Variants in COG5 observed in about 807,000 individuals in gnomAD.
The protein encoded by COG5 is conserved oligomeric Golgi complex subunit 5.
A neutral mutation model predicts 110.4 loss-of-function variants in COG5; 86 were observed. That is an observed-to-expected ratio of 0.78 (90% CI 0.65 to 0.93). COG5 has a LOEUF of 0.93. Ranked by LOEUF, COG5 falls within the 40% of genes least tolerant of loss-of-function variation. COG5 has a pLI of 0.00. For missense variants in COG5, 1,077 were observed against 987.0 expected (o/e 1.09, Z -1.22); for synonymous variants, 360 against 334.6 (o/e 1.08, Z -0.83).
intron 7 of COG5, among the ~76,000 whole-genome samples, chr7:107,406,482 T>C (rs1584782074): frequency 6.6e-6 from 1 of 152,170 alleles, no homozygotes; most frequent in African/African-American, 2.4e-5. Context: ...AGTTTGTCAG[T>C]CTCTTAATTT....
At chr7:107,231,613 GC>G (rs1405474481) in intron 18 of COG5, among the ~76,000 whole-genome samples, 1 of 152,182 alleles carries the variant, frequency 6.6e-6, no homozygotes, top group Non-Finnish European at 1.5e-5. Context: ...TGATAGTACA[GC>G]ACCTTTCTTC....
chr7:107,527,505 G>C lies in COG5; in HGVS notation c.418-148C>G. The C allele has an allele frequency of 5.0e-6, 4 of 806,326 alleles. No homozygotes were observed. In the South Asian group the frequency reaches 6.3e-5, roughly 13 times the overall value. 49.9% of individuals were successfully genotyped at this position (806,326 alleles called of 1,614,324 possible). A position where few individuals can be genotyped will look rare whatever the true frequency, so the allele number is the denominator to read the frequency against. Reference sequence around the variant, plus strand: ...TGTAACAAACCTGCACATGTATCCCGGAACTTAAATTACAAAAAAAACACA... The same window carrying C: ...TGTAACAAACCTGCACATGTATCCCCGAACTTAAATTACAAAAAAAACACA... On this transcript the variant is annotated intron_variant, in intron 5 of 21. Transcript: ENST00000297135.
chr7:107,409,595 TTTTCC>T (rs1322146073), intron 7 of COG5, among the ~76,000 whole-genome samples: 5 of 152,178 alleles, frequency 3.3e-5, no homozygotes, highest in African/African-American at 1.2e-4. Flanking sequence ...GAAGAATCCT[TTTTCC>T]TTTCAAGTGA....
chr7:107,560,370 C>G (rs986842627), intron 1 of COG5, among the ~76,000 whole-genome samples: 43 of 152,132 alleles, frequency 2.8e-4, no homozygotes, highest in African/African-American at 9.7e-4. Context: ...CTAAGAATGT[C>G]AAAGTGACAA....
At chr7:107,270,646 C>T (rs906839955) in intron 14 of COG5, among the ~76,000 whole-genome samples, 1 of 151,464 alleles carries the variant, frequency 6.6e-6, no homozygotes. Context: ...CACACACACA[C>T]CCCTTTACTC....
At chr7:107,339,418 T>A (rs550003987) in intron 10 of COG5, among the ~76,000 whole-genome samples, 7 of 152,152 alleles carry the variant, frequency 4.6e-5, no homozygotes, top group African/African-American at 1.4e-4. Flanking sequence ...AGCCACAAAA[T>A]TATAGTGGGG....
At chr7:107,441,416 T>C (rs1327337587) in intron 6 of COG5, among the ~76,000 whole-genome samples, 1 of 152,164 alleles carries the variant, frequency 6.6e-6, no homozygotes, top group Non-Finnish European at 1.5e-5. Context: ...CCTTAACTTG[T>C]CTCCATTCTT....
intron 10 of COG5, among the ~76,000 whole-genome samples, chr7:107,359,443 C>A (rs1409093105): frequency 6.6e-6 from 1 of 152,116 alleles, no homozygotes; most frequent in Non-Finnish European, 1.5e-5. Context: ...CATGAACAGC[C>A]TGAGTGCTGT....
chr7:107,274,504 C>T (rs760840111), intron 14 of COG5, among the ~76,000 whole-genome samples: 2 of 151,998 alleles, frequency 1.3e-5, no homozygotes, highest in Admixed American at 6.6e-5. Context: ...TCCTGTGCCC[C>T]GTCTTCACCA....
chr7:107,527,067 T>C (rs942697539), intron 6 of COG5, among the ~76,000 whole-genome samples, 170 bp downstream of exon 6: 2 of 152,214 alleles, frequency 1.3e-5, no homozygotes, highest in Non-Finnish European at 2.9e-5. Context: ...TGAAATCAAC[T>C]ACTTGTACTT....
At chr7:107,437,242 G>A (rs187996404) in intron 6 of COG5, among the ~76,000 whole-genome samples, 114 of 152,190 alleles carry the variant, frequency 7.5e-4, no homozygotes, top group African/African-American at 2.5e-3. Context: ...TTCTGACTAC[G>A]TCACCAAGTG....
chr7:107,338,511 G>C (rs1810901342), intron 10 of COG5, among the ~76,000 whole-genome samples: 1 of 152,024 alleles, frequency 6.6e-6, no homozygotes. Flanking sequence ...TAAAAGATTA[G>C]ACTTAAACAT....
chr7:107,530,153 C>A (rs931973558), intron 5 of COG5, among the ~76,000 whole-genome samples: 2 of 152,280 alleles, frequency 1.3e-5, no homozygotes, highest in East Asian at 1.9e-4. Flanking sequence ...TACCAACTAT[C>A]CTACTGCATA....
chr7:107,390,387 C>T (rs963278486), intron 7 of COG5, among the ~76,000 whole-genome samples: 3 of 152,100 alleles, frequency 2.0e-5, no homozygotes, highest in African/African-American at 4.8e-5. Context: ...TCTGCAAGCC[C>T]TCGAGGCTGC....
At chr7:107,396,014 A>C (rs1790983311) in intron 7 of COG5, among the ~76,000 whole-genome samples, 1 of 152,244 alleles carries the variant, frequency 6.6e-6, no homozygotes, top group Non-Finnish European at 1.5e-5. Context: ...AAGAACACTT[A>C]ATAAATCCAT....
intron 6 of COG5, among the ~76,000 whole-genome samples, chr7:107,456,992 T>C (rs929354570): frequency 7.9e-5 from 12 of 152,186 alleles, no homozygotes; most frequent in Admixed American, 1.3e-4. Context: ...AACTGCCTGA[T>C]AGAACAAAGT....
intron 7 of COG5, among the ~76,000 whole-genome samples, chr7:107,396,027 C>T (rs1041813361): frequency 4.6e-5 from 7 of 152,150 alleles, no homozygotes; most frequent in African/African-American, 1.4e-4. Flanking sequence ...AAATCCATAA[C>T]ACCATACATG....
At chr7:107,289,313 A>T (rs993124796) in intron 12 of COG5, among the ~76,000 whole-genome samples, 2 of 152,130 alleles carry the variant, frequency 1.3e-5, no homozygotes, top group African/African-American at 4.8e-5. Flanking sequence ...TTTTGAAGAC[A>T]ACTCACCATA....
intron 21 of COG5, chr7:107,207,966 G>T (rs909214045): frequency 8.1e-6 from 8 of 985,264 alleles, no homozygotes; most frequent in African/African-American, 1.7e-5. Context: ...AACAAGGTTT[G>T]CCCCAGAAGC....
Sources: allele counts gnomAD v4.1 joint callset (sites outside exome capture counted in the v4.1 genomes callset), GRCh38; gene constraint gnomAD v4.1.1; transcripts MANE v1.5; gene names NCBI Gene and HGNC (gene_info 2026-07-23, HGNC 2026-07-21).